TMEM132B: variants seen among roughly 807,000 people sequenced by gnomAD.
TMEM132B encodes the protein transmembrane protein 132B.
In TMEM132B, 18 loss-of-function variants were observed where a neutral mutation model predicts 90.8. That is an observed-to-expected ratio of 0.20 (90% CI 0.14 to 0.29). The LOEUF (loss-of-function observed/expected upper bound fraction) is 0.29, where lower values mean the gene tolerates loss of function less well. Ranked by LOEUF, TMEM132B falls within the 10% of genes least tolerant of loss-of-function variation. The pLI is 1.00. For missense variants in TMEM132B, 1,096 were observed against 1,326.8 expected (o/e 0.83, Z 2.70); for synonymous variants, 504 against 523.3 (o/e 0.96, Z 0.50).
chr12:125,592,091 TC>T (rs1228101707), intron 5 of TMEM132B, among the ~76,000 whole-genome samples: 1 of 152,198 alleles, frequency 6.6e-6, no homozygotes, highest in East Asian at 1.9e-4. Flanking sequence ...CAGTGTGTAT[TC>T]TTTTCTTTGC....
chr12:125,462,424 G>T (rs1157682161), intron 3 of TMEM132B, among the ~76,000 whole-genome samples: 1 of 152,120 alleles, frequency 6.6e-6, no homozygotes, highest in Non-Finnish European at 1.5e-5. Context: ...GGCGAGTCTG[G>T]CAGTGAAGCT....
intron 4 of TMEM132B, among the ~76,000 whole-genome samples, chr12:125,583,028 A>G (rs1441230194): frequency 1.3e-5 from 2 of 152,228 alleles, no homozygotes; most frequent in Non-Finnish European, 2.9e-5. Context: ...GTTATAATCT[A>G]GGAAAGAAAT....
chr12:125,321,043 C>T (rs1876413756), intron 1 of TMEM132B, among the ~76,000 whole-genome samples: 2 of 152,208 alleles, frequency 1.3e-5, no homozygotes, highest in Admixed American at 1.3e-4. Flanking sequence ...CCAGGCTCCG[C>T]TGAAGGTGCT....
At chr12:125,257,966 T>C (rs4765234) in intron 1 of TMEM132B, among the ~76,000 whole-genome samples, 8,352 of 152,280 alleles carry the variant, frequency 0.055, 318 homozygotes, top group African/African-American at 0.099. Context: ...AGAGTAAATG[T>C]GTATTGTCTT....
intron 4 of TMEM132B, among the ~76,000 whole-genome samples, chr12:125,580,849 T>A (rs1001882208): frequency 6.6e-6 from 1 of 152,168 alleles, no homozygotes; most frequent in Admixed American, 6.5e-5. Context: ...AACCTAGAAC[T>A]CACACAAATA....
At position 125,308,041 on chromosome 12, in the gene TMEM132B, TTGTAATATATGTATATATG is replaced by T; in HGVS notation, c.68-41409_68-41391del. Among the ~76,000 whole-genome samples the T allele has an allele frequency of 6.4e-5, 8 of 124,542 alleles. 1 individual carries two copies. The highest frequency in any genetic ancestry group is 8.8e-5 in the Non-Finnish European group (5 of 56,504). The allele number at this position is 124,542 out of a possible 152,430, so 81.7% of individuals were successfully genotyped here. On this transcript the variant is annotated intron_variant, in intron 1 of 8. Coordinates refer to ENST00000682704, the MANE Select transcript of TMEM132B (RefSeq NM_001366854.1). ...ATATAAGTAATACAAGTATATATAC[TTGTAATATATGTATATATG>T]TATAATACAAGTATATTATAAGTAT...
At chr12:125,191,889 G>A (rs1467415314) in intron 1 of TMEM132B, among the ~76,000 whole-genome samples, 1 of 152,160 alleles carries the variant, frequency 6.6e-6, no homozygotes, top group Non-Finnish European at 1.5e-5. Flanking sequence ...ATTCTCCCTG[G>A]CTGTTCTCAT....
At chr12:125,515,183 C>T (rs920284385) in intron 3 of TMEM132B, among the ~76,000 whole-genome samples, 21 of 149,912 alleles carry the variant, frequency 1.4e-4, no homozygotes, top group Non-Finnish European at 2.9e-4. Flanking sequence ...CACTCACACA[C>T]GCATTCTCTC....
At chr12:125,323,424 A>T (rs1254454460) in intron 1 of TMEM132B, among the ~76,000 whole-genome samples, 1 of 143,996 alleles carries the variant, frequency 6.9e-6, no homozygotes, top group Non-Finnish European at 1.5e-5. Flanking sequence ...CAACAAAGCG[A>T]GACTCTGCCT....
chr12:125,654,033 A>G lies in TMEM132B; in HGVS notation c.2575A>G (p.Met859Val), dbSNP rs755795648. The change falls in exon 9 of 9, where the codon ATG (methionine) becomes GTG (valine). Residue 859 changes from methionine (M) to valine (V), a missense_variant. Coordinates refer to ENST00000682704, the MANE Select transcript of TMEM132B (RefSeq NM_001366854.1). The surrounding 1 kb of genome is among the most constrained non-coding windows in gnomAD (Gnocchi z 5.8). ...TNKSTTPQSP[M>V]EGKNKLLKSG... ...CAAAAGCACAACCCCCCAGTCTCCCATGGAAGGGAAGAATAAGTTACTCAA... is the reference window on the plus strand; with the variant it reads ...CAAAAGCACAACCCCCCAGTCTCCCGTGGAAGGGAAGAATAAGTTACTCAA... The G allele has an allele frequency of 3.1e-6, 5 of 1,614,046 alleles. No individual in the cohort carries two copies. The highest frequency in any genetic ancestry group is 4.2e-6 in the Non-Finnish European group (5 of 1,180,016).
intron 1 of TMEM132B, among the ~76,000 whole-genome samples, chr12:125,216,665 G>A (rs1239998125): frequency 6.6e-6 from 1 of 152,206 alleles, no homozygotes; most frequent in Non-Finnish European, 1.5e-5. Flanking sequence ...GGATGTTAAA[G>A]GATGTTCAAG....
chr12:125,396,919 A>T (rs1361070013), intron 2 of TMEM132B, among the ~76,000 whole-genome samples: 1 of 152,098 alleles, frequency 6.6e-6, no homozygotes, highest in Non-Finnish European at 1.5e-5. Flanking sequence ...AGGCAGACAT[A>T]CAGCTTTAAC....
intron 2 of TMEM132B, among the ~76,000 whole-genome samples, chr12:125,354,630 C>T (rs1877708250): frequency 6.6e-6 from 1 of 152,142 alleles, no homozygotes; most frequent in Non-Finnish European, 1.5e-5. Context: ...CAGGCATTGC[C>T]AATTCATTAT....
intron 5 of TMEM132B, among the ~76,000 whole-genome samples, chr12:125,607,559 C>T (rs1885727223): frequency 6.6e-6 from 1 of 152,142 alleles, no homozygotes; most frequent in Non-Finnish European, 1.5e-5. Flanking sequence ...GGACTCAAAG[C>T]ATAGAGGTAT....
At chr12:125,280,661 A>G (rs1875136314) in intron 1 of TMEM132B, among the ~76,000 whole-genome samples, 1 of 152,226 alleles carries the variant, frequency 6.6e-6, no homozygotes, top group Admixed American at 6.5e-5. Context: ...GGGACAGCTC[A>G]CGTCTCATTG....
chr12:125,506,524 T>A (rs1301764724), intron 3 of TMEM132B, among the ~76,000 whole-genome samples: 2 of 152,204 alleles, frequency 1.3e-5, no homozygotes, highest in Non-Finnish European at 2.9e-5. Flanking sequence ...AAATTATAGT[T>A]GTTTTTAATA....
At chr12:125,325,074 A>C (rs1224257755) in intron 1 of TMEM132B, among the ~76,000 whole-genome samples, 2 of 152,312 alleles carry the variant, frequency 1.3e-5, no homozygotes, top group Non-Finnish European at 2.9e-5. Flanking sequence ...CAAGGGGTAG[A>C]TGTAGCCTGA....
chr12:125,633,433 T>C (rs1475183588), intron 5 of TMEM132B, among the ~76,000 whole-genome samples: 1 of 152,262 alleles, frequency 6.6e-6, no homozygotes, highest in African/African-American at 2.4e-5. Flanking sequence ...TTGTGCTTTA[T>C]TTAGTTTATT....
intron 3 of TMEM132B, among the ~76,000 whole-genome samples, chr12:125,509,499 A>G (rs1220365495): frequency 1.3e-5 from 2 of 152,128 alleles, no homozygotes; most frequent in African/African-American, 4.8e-5. Context: ...TAGATGCAGA[A>G]TGGAGTGTAT....
Sources: gnomAD v4.1 joint callset for allele counts (sites outside exome capture counted in the v4.1 genomes callset) on GRCh38, gnomAD v4.1.1 for gene constraint, Gnocchi (gnomAD v3.1) non-coding constraint, MANE v1.5 for transcripts, NCBI Gene and HGNC (gene_info 2026-07-23, HGNC 2026-07-21) for gene names.